The following C5orf24 variants were observed in gnomAD, a reference collection of about 807,000 sequenced individuals.
The protein encoded by C5orf24 is chromosome 5 open reading frame 24.
A neutral mutation model predicts 9.8 loss-of-function variants in C5orf24; 4 were observed. The observed-to-expected ratio is 0.41, with a 90% confidence interval of 0.20 to 0.93. C5orf24 has a LOEUF of 0.93. C5orf24 is among the 40% of genes least tolerant of loss of function. The probability of loss-of-function intolerance (pLI) is 0.33; values close to 1 mark genes in which losing one functional copy is unlikely to be tolerated. For synonymous variants in C5orf24, 73 were observed against 81.3 expected, an observed-to-expected ratio of 0.90 and a Z score of 0.55; for missense variants, 170 against 236.9, an observed-to-expected ratio of 0.72 and a Z score of 1.85.
Position 134,855,554 on chromosome 5 carries a change from T to C in C5orf24, c.*87T>C. The C allele has an allele frequency of 6.5e-7, 1 of 1,542,398 alleles. No individual in the cohort carries two copies. Among genetic ancestry groups the C allele is most frequent in the Non-Finnish European group, 8.7e-7 (1 of 1,150,820 alleles). Reference sequence around the variant, plus strand: ...GGTTTTATTTTGATATACATAATTTTATGGCCTGGGCTTTCCAAATTTGTT... The same window carrying C: ...GGTTTTATTTTGATATACATAATTTCATGGCCTGGGCTTTCCAAATTTGTT... On this transcript the variant is annotated 3_prime_UTR_variant, in exon 2 of 2. Transcript: ENST00000394976.
intron 1 of C5orf24, among the ~76,000 whole-genome samples, chr5:134,847,724 T>C (rs960553398): frequency 1.4e-5 from 2 of 145,702 alleles, no homozygotes; most frequent in African/African-American, 5.2e-5. Flanking sequence ...TTTTTTTTCC[T>C]GAGATGGAGT....
intron 1 of C5orf24, among the ~76,000 whole-genome samples, chr5:134,851,965 G>A (rs775944692): frequency 1.3e-4 from 19 of 151,980 alleles, no homozygotes; most frequent in Admixed American, 5.2e-4. Flanking sequence ...GTTTTGAGAC[G>A]GAGTCTTGCT....
chr5:134,853,380 A>G (rs1015908699), intron 1 of C5orf24, among the ~76,000 whole-genome samples: 1 of 148,396 alleles, frequency 6.7e-6, no homozygotes, highest in Non-Finnish European at 1.5e-5. Flanking sequence ...AAAAAAAAAA[A>G]CCTGTCATTT....
chr5:134,838,192 C>T, the C5orf24 span, among the ~76,000 whole-genome samples: 1 of 152,180 alleles, frequency 6.6e-6, no homozygotes, highest in Non-Finnish European at 1.5e-5. Flanking sequence ...TTTATATAAT[C>T]ACTATTTATC....
the C5orf24 span, among the ~76,000 whole-genome samples, chr5:134,840,249 G>T: frequency 5.4e-5 from 8 of 147,620 alleles, no homozygotes; most frequent in African/African-American, 2.0e-4. Flanking sequence ...GGAGGTTGCA[G>T]TGAGTCAAGA....
At position 134,859,419 on chromosome 5, in the gene C5orf24, A is replaced by C. The variant is rs1756391480; in HGVS notation, c.*3952A>C. 2 of 166,970 alleles carry C rather than the reference A, an allele frequency of 1.2e-5. No individual in the cohort carries two copies. The allele number at this position is 166,970 out of a possible 1,614,324, so 10.3% of individuals were successfully genotyped here. A position where few individuals can be genotyped will look rare whatever the true frequency, so the allele number is the denominator to read the frequency against. The stretch of plus-strand genomic sequence containing the variant: ...CTGTGCTCTCACATGTAATGTATTT[A>C]ATTTTTGGAAAATTTAATGCTATAT... On this transcript the variant is annotated 3_prime_UTR_variant, in exon 2 of 2. Coordinates refer to ENST00000394976, the MANE Select transcript of C5orf24 (RefSeq NM_001135586.1).
At position 134,858,994 on chromosome 5, in the gene C5orf24, A is replaced by C. The variant is rs952173976; in HGVS notation, c.*3527A>C. ...ACATGTCTATTTTCATGAACTAAGA[A>C]TAGAGTTTCTTTGAGTTGAGGAGAA... On this transcript the variant is annotated 3_prime_UTR_variant, in exon 2 of 2. Coordinates refer to ENST00000394976, the MANE Select transcript of C5orf24 (RefSeq NM_001135586.1). 6.0e-6 allele frequency: 1 copy of C among 166,960 alleles called. No homozygotes were observed. Among genetic ancestry groups the C allele is most frequent in the Non-Finnish European group, 1.5e-5 (1 of 68,056 alleles). 10.3% of individuals were successfully genotyped at this position (166,960 alleles called of 1,614,324 possible).
rs780996136 is a variant in C5orf24 at position 134,858,308 on chromosome 5, C to G, written c.*2841C>G. On this transcript the variant is annotated 3_prime_UTR_variant, in exon 2 of 2. Transcript: ENST00000394976. ...GGTGCCATGCTGAAGAGAAAGACAT[C>G]TAAGTGATAACATGAATGAAGTCTT... is the stretch of plus-strand genomic sequence containing the variant. 2.4e-5 allele frequency: 4 copies of G among 167,010 alleles called. No individual in the cohort carries two copies. Among genetic ancestry groups the G allele is most frequent in the Non-Finnish European group, 4.4e-5 (3 of 68,104 alleles). The allele number at this position is 167,010 out of a possible 1,614,324, so 10.3% of individuals were successfully genotyped here.
intron 1 of C5orf24, among the ~76,000 whole-genome samples, chr5:134,847,341 G>C (rs1386496041): frequency 1.3e-5 from 2 of 152,152 alleles, no homozygotes; most frequent in African/African-American, 4.8e-5. Context: ...TGTCCCCCAG[G>C]CTGGAGTACA....
chr5:134,839,038 G>A, the C5orf24 span, among the ~76,000 whole-genome samples: 30 of 151,918 alleles, frequency 2.0e-4, no homozygotes, highest in African/African-American at 7.0e-4. Flanking sequence ...AGGAAACCCT[G>A]TCTCTACAAA....
rs369360112 is a variant in C5orf24, at chr5:134,847,638, C to T, written c.-4+1426C>T. Among the ~76,000 whole-genome samples the T allele has an allele frequency of 1.3e-4, 20 of 152,068 alleles. No homozygotes were observed. In the East Asian group the frequency reaches 1.5e-3, roughly 12 times the overall value. On this transcript the variant is annotated intron_variant, in intron 1 of 1. Coordinates refer to ENST00000394976, the MANE Select transcript of C5orf24 (RefSeq NM_001135586.1). ...ATGATCTTTAACCTTTGATAGTCTA[C>T]ACAACCTGTTCTATAACTCTTGGCT...
rs140427240 is a variant in C5orf24 at position 134,855,460 on chromosome 5, A to G, written c.560A>G (p.Asn187Ser). ...ACTAGCAGTGAAGTCAAACCACCCA[A>G]TGAGTGAATGAGGCAGGAAAAGAGG... ...EETSSEVKPP[N>S]E Residue 187 changes from asparagine to serine, a missense_variant, in exon 2 of 2, where the codon AAT (asparagine) becomes AGT (serine). By Grantham distance (46) the Asn-to-Ser change is conservative (BLOSUM62 1). Around this residue, in one of 3 missense-constraint regions of C5orf24, gnomAD observed 56 missense variants for 60.3 expected, o/e 0.93. Transcript: ENST00000394976. The G allele has an allele frequency of 2.5e-5, 41 of 1,613,938 alleles. No homozygotes were observed. The highest frequency in any genetic ancestry group is 3.3e-5 in the Admixed American group (2 of 59,930).
chr5:134,836,318 C>G, the C5orf24 span, among the ~76,000 whole-genome samples: 1 of 151,132 alleles, frequency 6.6e-6, no homozygotes, highest in Non-Finnish European at 1.5e-5. Context: ...ATTACAAGTG[C>G]CCGCCACCAC....
At chr5:134,841,196 CTT>C (rs1432511814), upstream of C5orf24, among the ~76,000 whole-genome samples, 1 of 152,108 alleles carries the variant, frequency 6.6e-6, no homozygotes, top group African/African-American at 2.4e-5. Context: ...TCAATTCTCT[CTT>C]AGCTTTTCAT....
the C5orf24 span, among the ~76,000 whole-genome samples, chr5:134,837,225 G>T: frequency 1.3e-5 from 2 of 152,070 alleles, no homozygotes; most frequent in African/African-American, 4.8e-5. Flanking sequence ...CACCCGCCTT[G>T]ACCTCCCAAA....
At chr5:134,850,492 G>A (rs1462308588) in intron 1 of C5orf24, among the ~76,000 whole-genome samples, 3 of 143,232 alleles carry the variant, frequency 2.1e-5, no homozygotes, top group African/African-American at 7.7e-5. Flanking sequence ...TTTTTTTTGA[G>A]TTGGAGTTTC....
chr5:134,845,465 ATC>A (rs1755965616), upstream of C5orf24, among the ~76,000 whole-genome samples: 1 of 152,230 alleles, frequency 6.6e-6, no homozygotes, highest in South Asian at 2.1e-4. Flanking sequence ...TATGTCAGAT[ATC>A]TCACAAGAAA....
At chr5:134,840,232 G>A in the C5orf24 span, among the ~76,000 whole-genome samples, 1 of 151,140 alleles carries the variant, frequency 6.6e-6, no homozygotes, top group African/African-American at 2.4e-5. Context: ...GCTTGAACCC[G>A]GGAGGCGGAG....
At chr5:134,838,571 G>A in the C5orf24 span, among the ~76,000 whole-genome samples, 12 of 152,084 alleles carry the variant, frequency 7.9e-5, no homozygotes, top group African/African-American at 2.7e-4. Flanking sequence ...TCGGGAGGCT[G>A]AGAGGAGAAT....
Sources: gnomAD v4.1 joint callset for allele counts (sites outside exome capture counted in the v4.1 genomes callset) on GRCh38, gnomAD v4.1.1 for gene constraint, gnomAD v4.1.1 regional missense constraint, MANE v1.5 for transcripts, NCBI Gene and HGNC (gene_info 2026-07-23, HGNC 2026-07-21) for gene names.